Variants in KTN1 observed in about 807,000 individuals in gnomAD.
The protein encoded by KTN1 is kinectin.
In KTN1, 130 loss-of-function variants were observed where a neutral mutation model predicts 222.5. The observed-to-expected ratio is 0.58, with a 90% confidence interval of 0.51 to 0.68. The LOEUF (loss-of-function observed/expected upper bound fraction) is 0.68, where lower values mean the gene tolerates loss of function less well. KTN1 is among the 30% of genes least tolerant of loss of function. KTN1 has a pLI of 0.00. For synonymous variants in KTN1, 512 were observed against 496.3 expected, an observed-to-expected ratio of 1.03 and a Z score of -0.42; for missense variants, 1,508 against 1,500.4, an observed-to-expected ratio of 1.01 and a Z score of -0.08.
chr14:55,671,784 G>A lies in KTN1; in HGVS notation c.3439-1G>A. 6.2e-7 allele frequency: 1 copy of A among 1,605,356 alleles called. No individual in the cohort carries two copies. The highest frequency in any genetic ancestry group is 8.5e-7 in the Non-Finnish European group (1 of 1,172,602). On this transcript the variant is annotated splice_acceptor_variant, in intron 36 of 43. Coordinates refer to ENST00000395314, the MANE Select transcript of KTN1 (RefSeq NM_001079521.2). LOFTEE classifies it high-confidence loss of function. ...CAAAACAACTATGCTTTTGTCTGTA[G>A]GAAGGAATTTTACAGAAGCTACAGA...
At chr14:55,618,170 A>T in intron 4 of KTN1, 36 bp downstream of exon 4, 1 of 1,484,386 alleles carries the variant, frequency 6.7e-7, no homozygotes, top group East Asian at 2.3e-5. Context: ...GTTGTACTAT[A>T]AAAACACATT....
At chr14:55,613,491 A>AT (rs57451000) in intron 2 of KTN1, among the ~76,000 whole-genome samples, 2,251 of 129,230 alleles carry the variant, frequency 0.017, 40 homozygotes, top group South Asian at 0.07. Context: ...GTTATATTTG[A>AT]TTTTTTTTTT....
At chr14:55,618,339 C>A (rs2038677378) in intron 4 of KTN1, among the ~76,000 whole-genome samples, 1 of 152,162 alleles carries the variant, frequency 6.6e-6, no homozygotes, top group South Asian at 2.1e-4. Context: ...AAAGGTCCTA[C>A]AGCTATTTTG....
chr14:55,637,996 C>G (rs1248540811), intron 12 of KTN1, 149 bp downstream of exon 12: 4 of 577,080 alleles, frequency 6.9e-6, no homozygotes, highest in Admixed American at 5.9e-5. Context: ...TAAACACTTG[C>G]TAATTATGTA....
chr14:55,673,521 A>G (rs1475050375), intron 40 of KTN1: 9 of 265,496 alleles, frequency 3.4e-5, no homozygotes, highest in African/African-American at 6.6e-5. Flanking sequence ...TATAAATCCT[A>G]TTTTCTCAAA....
In KTN1 at chr14:55,650,413, G is replaced by A. The variant is rs574810659; in HGVS notation, c.2491G>A (p.Val831Ile). The A allele has an allele frequency of 1.2e-4, 189 of 1,606,970 alleles. 2 individuals are homozygous for A. In the South Asian group the frequency reaches 1.9e-3, roughly 16 times the overall value. Residue 831 changes from valine (V) to isoleucine (I), a missense_variant, in exon 23 of 44, where the codon GTT becomes ATT. Transcript: ENST00000395314. The stretch of plus-strand genomic sequence containing the variant: ...CAAAGTTGCTAACAAGGAGAAAACT[G>A]TTCAGGTATTGGGAGACAGAGAACT... ...LLKVANKEKT[V>I]QDLKQEIKAL...
intron 1 of KTN1, among the ~76,000 whole-genome samples, chr14:55,590,435 T>C (rs958066721): frequency 6.6e-6 from 1 of 152,212 alleles, no homozygotes; most frequent in African/African-American, 2.4e-5. Context: ...GTGTAAGATA[T>C]AAAGACATAA....
intron 1 of KTN1, among the ~76,000 whole-genome samples, chr14:55,590,749 G>T (rs2140355110): frequency 6.6e-6 from 1 of 151,384 alleles, no homozygotes; most frequent in East Asian, 1.9e-4. Context: ...GATCTTGGCT[G>T]ACTGCAACCG....
intron 1 of KTN1, among the ~76,000 whole-genome samples, chr14:55,590,190 T>G (rs2033864459): frequency 6.6e-6 from 1 of 152,206 alleles, no homozygotes; most frequent in South Asian, 2.1e-4. Flanking sequence ...TATGCCTGTT[T>G]GCTTGTTTGT....
At chr14:55,605,507 G>A (rs1383476302) in intron 1 of KTN1, among the ~76,000 whole-genome samples, 3 of 152,102 alleles carry the variant, frequency 2.0e-5, no homozygotes, top group Non-Finnish European at 2.9e-5. Context: ...TTTCTGCCAC[G>A]GGTACTCTGG....
chr14:55,638,700 T>A (rs1466381306), intron 12 of KTN1, among the ~76,000 whole-genome samples: 1 of 151,846 alleles, frequency 6.6e-6, no homozygotes. Flanking sequence ...TGAATTGTGA[T>A]CTTTAGTTAT....
chr14:55,663,878 A>G, intron 32 of KTN1, 77 bp from the exon 33 acceptor site: 1 of 1,000,864 alleles, frequency 1.0e-6, no homozygotes. Flanking sequence ...AATGCAGTGC[A>G]AAATACTGAT....
At chr14:55,632,664 T>C (rs1313325408) in intron 7 of KTN1, among the ~76,000 whole-genome samples, 1 of 152,194 alleles carries the variant, frequency 6.6e-6, no homozygotes, top group East Asian at 1.9e-4. Context: ...AACTGTATAC[T>C]TGAAAATGGT....
At chr14:55,620,123 A>G (rs182526862) in intron 5 of KTN1, among the ~76,000 whole-genome samples, 1 of 152,304 alleles carries the variant, frequency 6.6e-6, no homozygotes, top group East Asian at 1.9e-4. Context: ...GGGGCAGTCA[A>G]ATCTTAAAGC....
At chr14:55,587,705 A>G (rs200387716) in intron 1 of KTN1, among the ~76,000 whole-genome samples, 1 of 152,268 alleles carries the variant, frequency 6.6e-6, no homozygotes, top group East Asian at 1.9e-4. Context: ...GCTGAATGTC[A>G]TGATTTCTGT....
chr14:55,636,445 C>A lies in KTN1; in HGVS notation c.1462-4C>A. 6.2e-7 allele frequency: 1 copy of A among 1,602,200 alleles called. No homozygotes were observed. Among genetic ancestry groups the A allele is most frequent in the Non-Finnish European group, 8.5e-7 (1 of 1,172,600 alleles). ...TTATCCTTTCTCCCTTTTAAAATAC[C>A]AAGGTTCAACTACAAGAAGCTGAGA... On this transcript the variant is annotated splice_polypyrimidine_tract_variant and splice_region_variant and intron_variant, in intron 9 of 43. Coordinates refer to ENST00000395314, the MANE Select transcript of KTN1 (RefSeq NM_001079521.2).
chr14:55,642,848 A>T (rs2041939301), intron 18 of KTN1, among the ~76,000 whole-genome samples: 1 of 152,082 alleles, frequency 6.6e-6, no homozygotes, highest in African/African-American at 2.4e-5. Flanking sequence ...AACTAAAGGT[A>T]ATAGAGGAGA....
intron 29 of KTN1, among the ~76,000 whole-genome samples, chr14:55,658,161 C>G (rs899466128): frequency 6.6e-6 from 1 of 152,020 alleles, no homozygotes; most frequent in African/African-American, 2.4e-5. Flanking sequence ...CGGGCTGGGG[C>G]ATCTAGTGGA....
At chr14:55,655,112 T>G (rs2043335352) in intron 28 of KTN1, among the ~76,000 whole-genome samples, 1 of 151,936 alleles carries the variant, frequency 6.6e-6, no homozygotes, top group Non-Finnish European at 1.5e-5. Context: ...CCTCAGCCTT[T>G]CGAGTAGCTG....
Sources: gnomAD v4.1 joint callset for allele counts (sites outside exome capture counted in the v4.1 genomes callset) on GRCh38, gnomAD v4.1.1 for gene constraint, MANE v1.5 for transcripts, NCBI Gene and HGNC (gene_info 2026-07-23, HGNC 2026-07-21) for gene names.